The following CDC42BPB variants were observed in gnomAD, a reference collection of about 807,000 sequenced individuals.
CDC42BPB encodes the protein CDC42 binding protein kinase beta, also known as serine/threonine-protein kinase MRCK beta.
CDC42BPB carries 37 observed loss-of-function variants against 214.9 expected under a neutral mutation model. The observed-to-expected ratio is 0.17, with a 90% CI of 0.13 to 0.23. The LOEUF (loss-of-function observed/expected upper bound fraction) is 0.23. Ranked by LOEUF, CDC42BPB falls within the 10% of genes least tolerant of loss-of-function variation. The probability of loss-of-function intolerance (pLI) is 1.00; values close to 1 mark genes in which losing one functional copy is unlikely to be tolerated. For missense variants in CDC42BPB, 1,694 were observed against 2,227.0 expected (o/e 0.76, Z 4.82); for synonymous variants, 931 against 884.0 (o/e 1.05, Z -0.94).
At position 102,944,254 on chromosome 14, in the gene CDC42BPB, T is replaced by C; in HGVS notation, c.4045A>G (p.Lys1349Glu). 6.2e-7 allele frequency: 1 copy of C among 1,613,298 alleles called. No individual in the cohort carries two copies. The highest frequency in any genetic ancestry group is 8.5e-7 in the Non-Finnish European group (1 of 1,180,038). ...NSGTCLFVAV[K>E]RLILCYEIQR... ...ATCTCATAGCAAAGGATCAGCCGTT[T>C]CACGGCCACAAACAGGCAGGTGCCA... Residue 1349 changes from lysine to glutamate, a missense_variant, in exon 30 of 37, where the codon AAA (lysine) becomes GAA (glutamate). Lys to Glu is a moderately conservative substitution (Grantham distance 56). This residue lies in a region of CDC42BPB where 567 missense variants were observed against 790.3 expected (regional missense o/e 0.72). Coordinates refer to ENST00000361246, the MANE Select transcript of CDC42BPB (RefSeq NM_006035.4). This position sits in a 1 kb window ranked among gnomAD's most constrained non-coding sequence, Gnocchi z 6.6.
chr14:102,993,820 C>T (rs545314756), intron 5 of CDC42BPB, among the ~76,000 whole-genome samples: 45 of 152,278 alleles, frequency 3.0e-4, no homozygotes, highest in African/African-American at 1.0e-3. Context: ...AAGCTCTATA[C>T]CTGGCTGCCG....
At chr14:103,043,408 A>G (rs1249383372) in intron 1 of CDC42BPB, among the ~76,000 whole-genome samples, 2 of 152,214 alleles carry the variant, frequency 1.3e-5, no homozygotes, top group Non-Finnish European at 2.9e-5. Flanking sequence ...CCTTGACAAC[A>G]TGATGTCAGT....
intron 3 of CDC42BPB, among the ~76,000 whole-genome samples, chr14:103,006,299 C>A (rs1352584402): frequency 6.6e-6 from 1 of 152,230 alleles, no homozygotes; most frequent in East Asian, 1.9e-4. Flanking sequence ...TGAGGTGAGA[C>A]CGTGGGCTCA....
At chr14:102,994,887 G>A (rs1398919937) in intron 5 of CDC42BPB, among the ~76,000 whole-genome samples, 3 of 152,206 alleles carry the variant, frequency 2.0e-5, no homozygotes, top group Non-Finnish European at 2.9e-5. Flanking sequence ...GATTCCCACA[G>A]CAGGTGTGCC....
intron 27 of CDC42BPB, chr14:102,946,944 G>A (rs1015821124): frequency 3.0e-6 from 2 of 672,900 alleles, no homozygotes; most frequent in East Asian, 1.4e-4. Flanking sequence ...TCAAAACTAC[G>A]AGTAGCTGCC....
At chr14:103,041,087 T>C (rs553460393) in intron 1 of CDC42BPB, among the ~76,000 whole-genome samples, 1 of 152,300 alleles carries the variant, frequency 6.6e-6, no homozygotes, top group South Asian at 2.1e-4. Flanking sequence ...ACACATATAT[T>C]AATGGAATAC....
rs543995418 is a variant in CDC42BPB at position 102,965,363 on chromosome 14, G to A, written c.2578-713C>T. Among the ~76,000 whole-genome samples the A allele has an allele frequency of 2.3e-4, 32 of 136,986 alleles. 1 individual carries two copies. Among genetic ancestry groups the A allele is most frequent in the African/African-American group, 8.1e-4 (30 of 36,864 alleles). 89.9% of individuals were successfully genotyped at this position (136,986 alleles called of 152,430 possible). The stretch of plus-strand genomic sequence containing the variant: ...GCTATTTCACCATCCTGGGAATTAT[G>A]TCATTACTCATTCCTACCTGTGATT... On this transcript the variant is annotated intron_variant, in intron 18 of 36. Transcript: ENST00000361246.
At chr14:102,971,544 C>T (rs564640914) in intron 13 of CDC42BPB, among the ~76,000 whole-genome samples, 2 of 152,304 alleles carry the variant, frequency 1.3e-5, no homozygotes, top group South Asian at 2.1e-4. Flanking sequence ...TCTATCTTGG[C>T]GCCTCCCACA....
intron 5 of CDC42BPB, among the ~76,000 whole-genome samples, chr14:102,997,213 T>C (rs1035264197): frequency 6.6e-6 from 1 of 151,900 alleles, no homozygotes; most frequent in African/African-American, 2.4e-5. Flanking sequence ...GCCTCACACC[T>C]CTCGAGAGCA....
At chr14:102,948,727 G>A (rs1309861460) in intron 26 of CDC42BPB, among the ~76,000 whole-genome samples, 2 of 145,526 alleles carry the variant, frequency 1.4e-5, no homozygotes, top group Non-Finnish European at 3.0e-5. Flanking sequence ...GGAGGTGAGA[G>A]GGGGAGCGGG....
intron 18 of CDC42BPB, among the ~76,000 whole-genome samples, chr14:102,966,048 C>T (rs1359710128): frequency 6.6e-6 from 1 of 152,198 alleles, no homozygotes; most frequent in Non-Finnish European, 1.5e-5. Flanking sequence ...CTTAACTTGA[C>T]ACCACGGAGC....
intron 3 of CDC42BPB, among the ~76,000 whole-genome samples, chr14:103,006,316 C>T (rs970292275): frequency 6.6e-6 from 1 of 152,238 alleles, no homozygotes. Flanking sequence ...CTCAGGAGGC[C>T]GGGGCTGCCC....
At chr14:103,018,216 CG>C (rs1243211833) in intron 1 of CDC42BPB, among the ~76,000 whole-genome samples, 3 of 152,166 alleles carry the variant, frequency 2.0e-5, no homozygotes, top group African/African-American at 4.8e-5. Flanking sequence ...CATCTCCTGC[CG>C]TGGAGTCTGG....
intron 1 of CDC42BPB, among the ~76,000 whole-genome samples, chr14:103,053,497 C>G (rs1463004846): frequency 2.0e-5 from 3 of 152,078 alleles, no homozygotes; most frequent in African/African-American, 7.2e-5. Flanking sequence ...CACGGTGGCT[C>G]ACACCTGTAA....
chr14:103,025,686 C>T (rs1371411003), intron 1 of CDC42BPB, among the ~76,000 whole-genome samples: 1 of 151,640 alleles, frequency 6.6e-6, no homozygotes, highest in East Asian at 1.9e-4. Flanking sequence ...GGCGTGGTGG[C>T]ACATGCCTAT....
chr14:102,992,977 C>T (rs1894565073), intron 5 of CDC42BPB, among the ~76,000 whole-genome samples: 1 of 151,738 alleles, frequency 6.6e-6, no homozygotes. Context: ...TACAGGCGTG[C>T]ACTACCACGC....
At position 103,057,477 on chromosome 14, in the gene CDC42BPB, C is replaced by CCCGCCG. The variant is rs532083420; in HGVS notation, c.-310_-305dup. 3.8e-3 allele frequency: 808 copies of CCCGCCG among 211,982 alleles called. 8 individuals are homozygous for CCCGCCG. Among genetic ancestry groups the CCCGCCG allele is most frequent in the African/African-American group, 0.018 (772 of 41,982 alleles). 13.1% of individuals were successfully genotyped at this position (211,982 alleles called of 1,614,324 possible). ...CAGCCCCGCCCGCGGCCGCGCCCTC[C>CCCGCCG]CCGCCGCCGCCGCCGCAGACTAGGA... is the stretch of plus-strand genomic sequence containing the variant. On this transcript the variant is annotated 5_prime_UTR_variant, in exon 1 of 37. Coordinates refer to ENST00000361246, the MANE Select transcript of CDC42BPB (RefSeq NM_006035.4).
At chr14:103,017,511 C>T (rs138677620) in intron 1 of CDC42BPB, among the ~76,000 whole-genome samples, 33 of 152,192 alleles carry the variant, frequency 2.2e-4, no homozygotes, top group African/African-American at 7.9e-4. Context: ...ATCAAGCAAT[C>T]AGAGCGGCCA....
intron 11 of CDC42BPB, chr14:102,974,369 G>C: frequency 1.0e-6 from 1 of 984,204 alleles, no homozygotes; most frequent in Non-Finnish European, 1.2e-6. Flanking sequence ...AGGCTCCCTA[G>C]ACTTTACTCT....
Sources: gnomAD v4.1 joint callset for allele counts (sites outside exome capture counted in the v4.1 genomes callset) on GRCh38, gnomAD v4.1.1 for gene constraint, gnomAD v4.1.1 regional missense constraint, Gnocchi (gnomAD v3.1) non-coding constraint, MANE v1.5 for transcripts, NCBI Gene and HGNC (gene_info 2026-07-23, HGNC 2026-07-21) for gene names.